TAF1: variants seen among roughly 807,000 people sequenced by gnomAD.
TAF1 encodes TATA-box binding protein associated factor 1, also known as transcription initiation factor TFIID subunit 1.
Under a neutral mutation model 138.5 loss-of-function variants are expected in TAF1, and 2 were observed. The ratio of observed to expected loss-of-function variants is 0.01; its 90% CI spans 0.01 to 0.05. The LOEUF is 0.05. Among genes scored for constraint, TAF1 ranks in the 10% least tolerant of loss-of-function variants. The pLI is 1.00. For synonymous variants in TAF1, 437 were observed against 503.2 expected (o/e 0.87, Z 1.76); for missense variants, 709 against 1,478.0 (o/e 0.48, Z 8.53).
intron 32 of TAF1, among the ~76,000 whole-genome samples, chrX:71,438,164 A>G (rs1013793692): frequency 2.7e-5 from 3 of 110,992 alleles, no homozygotes; most frequent in Non-Finnish European, 5.7e-5. Context: ...TAAGTGTACA[A>G]ATCAGTGGCA....
In TAF1 at chrX:71,465,708, TAATGAATG is replaced by T. The variant is rs1197827545; in HGVS notation, c.*1669_*1676del. ...CAGGTTTGTGTTTTAGAAATCTGTG[TAATGAATG>T]AATGAAGAAAGAAATTGAAGAATCA... On this transcript the variant is annotated 3_prime_UTR_variant, in exon 38 of 38. Transcript: ENST00000423759. 8.9e-6 allele frequency: 1 copy of T among 112,188 alleles called. No individual in the cohort carries two copies. The highest frequency in any genetic ancestry group is 2.8e-4 in the East Asian group (1 of 3,619). The allele number at this position is 112,188 out of a possible 1,213,427, so 9.2% of individuals were successfully genotyped here.
intron 13 of TAF1, among the ~76,000 whole-genome samples, chrX:71,494,186 G>A (rs1406424870): frequency 9.0e-6 from 1 of 111,210 alleles, no homozygotes; most frequent in Non-Finnish European, 1.9e-5. Context: ...ACTTTGGGAG[G>A]CCAAGGCAGG....
chrX:71,406,519 C>T, intron 25 of TAF1, 119 bp from the exon 26 acceptor site: 2 of 696,516 alleles, frequency 2.9e-6, no homozygotes, highest in Non-Finnish European at 4.1e-6. Flanking sequence ...TTTGGTTTGG[C>T]TTTTTCCTCG....
chrX:71,399,877 G>T (rs1253863740), intron 24 of TAF1, among the ~76,000 whole-genome samples: 1 of 108,821 alleles, frequency 9.2e-6, no homozygotes, highest in East Asian at 3.0e-4. Context: ...GATTACAGGC[G>T]CCCGCCACCA....
At chrX:71,474,150 AAGAAAG>A (rs1328107999) in intron 13 of TAF1, among the ~76,000 whole-genome samples, 16 of 109,880 alleles carry the variant, frequency 1.5e-4, no homozygotes, top group Middle Eastern at 9.3e-3. Flanking sequence ...TGAAAAAAGA[AAGAAAG>A]AGAGAGAGAG....
At chrX:71,471,939 A>G (rs2038897928) in intron 13 of TAF1, among the ~76,000 whole-genome samples, 2 of 112,255 alleles carry the variant, frequency 1.8e-5, no homozygotes, top group Non-Finnish European at 3.8e-5. Flanking sequence ...AGGTACTTTC[A>G]ATTTCCCAAC....
At chrX:71,441,061 C>T (rs904856531) in intron 32 of TAF1, among the ~76,000 whole-genome samples, 29 of 109,700 alleles carry the variant, frequency 2.6e-4, no homozygotes, top group Non-Finnish European at 2.8e-4. Context: ...ACATCATGCC[C>T]GGCTAATTTT....
intron 13 of TAF1, among the ~76,000 whole-genome samples, chrX:71,502,176 T>C (rs2039522002): frequency 9.0e-6 from 1 of 111,667 alleles, no homozygotes; most frequent in Non-Finnish European, 1.9e-5. Flanking sequence ...GATTGGTCCA[T>C]TTTACAGAGT....
chrX:71,463,107 G>C (rs1476585869), intron 37 of TAF1, among the ~76,000 whole-genome samples: 4 of 111,414 alleles, frequency 3.6e-5, no homozygotes, highest in Non-Finnish European at 1.9e-5. Flanking sequence ...AGAGTATGTA[G>C]AGTATCCCAA....
chrX:71,383,468 T>C (rs1694380655), intron 12 of TAF1, among the ~76,000 whole-genome samples: 1 of 112,438 alleles, frequency 8.9e-6, no homozygotes, highest in Non-Finnish European at 1.9e-5. Flanking sequence ...CATAGTACAG[T>C]CGTCCTTCGT....
chrX:71,411,228 C>T (rs940387408), intron 28 of TAF1, among the ~76,000 whole-genome samples: 6 of 110,745 alleles, frequency 5.4e-5, no homozygotes, highest in South Asian at 3.8e-4. Flanking sequence ...ACTACAGCTG[C>T]GCCCCACCAC....
In TAF1 at chrX:71,466,001, T is replaced by C. The variant is rs927186721; in HGVS notation, c.*1955T>C. 8.9e-6 allele frequency: 1 copy of C among 112,018 alleles called. No homozygotes were observed. The highest frequency in any genetic ancestry group is 1.9e-5 in the Non-Finnish European group (1 of 53,242). 9.2% of individuals were successfully genotyped at this position (112,018 alleles called of 1,213,427 possible). A position where few individuals can be genotyped will look rare whatever the true frequency, so the allele number is the denominator to read the frequency against. ...TTTTTGTAATAAAAATTTTAAAAAA[T>C]TCCAGCAGTAGTGTGGAGAATGGTT... On this transcript the variant is annotated 3_prime_UTR_variant, in exon 38 of 38. Coordinates refer to ENST00000423759, the MANE Select transcript of TAF1 (RefSeq NM_004606.5).
chrX:71,402,483 C>T (rs1439358561), intron 25 of TAF1, among the ~76,000 whole-genome samples: 1 of 112,021 alleles, frequency 8.9e-6, no homozygotes, highest in Non-Finnish European at 1.9e-5. Context: ...AAGTGATTCT[C>T]CCACCTCGGC....
At chrX:71,468,900 G>A (rs2038825810), downstream of TAF1, among the ~76,000 whole-genome samples, 1 of 108,784 alleles carries the variant, frequency 9.2e-6, no homozygotes, top group Admixed American at 9.9e-5. Flanking sequence ...TGAGGCAGGA[G>A]GAACGCTTGG....
intron 32 of TAF1, among the ~76,000 whole-genome samples, chrX:71,449,961 CAG>C (rs1215161518): frequency 9.0e-6 from 1 of 110,955 alleles, no homozygotes; most frequent in Admixed American, 9.6e-5. Context: ...TTTGTATAGA[CAG>C]AGTTTCGCCA....
At chrX:71,393,264 G>A (rs768530822) in intron 20 of TAF1, 37 bp from the exon 21 acceptor site, 536 of 1,086,061 alleles carry the variant, frequency 4.9e-4, no homozygotes, top group Middle Eastern at 2.3e-3. Context: ...GTGTGTGTGT[G>A]TATATTTATA....
chrX:71,380,223 T>C (rs1463661305), intron 8 of TAF1, among the ~76,000 whole-genome samples: 1 of 110,825 alleles, frequency 9.0e-6, no homozygotes, highest in Non-Finnish European at 1.9e-5. Flanking sequence ...CTTTCATTTT[T>C]TATTTTTCAT....
rs750258645 is a variant in TAF1, at chrX:71,378,820, A to G, written c.1153-4A>G. On this transcript the variant is annotated splice_polypyrimidine_tract_variant and splice_region_variant and intron_variant, in intron 7 of 37. Transcript: ENST00000423759. ...GATGTGTTTTTTCTTCCCTACTTAC[A>G]CAGGAATTTAGGAAACTTGAGGAAA... 2 of 1,210,459 alleles carry G rather than the reference A, an allele frequency of 1.7e-6. No individual in the cohort carries two copies. Among genetic ancestry groups the G allele is most frequent in the Non-Finnish European group, 2.2e-6 (2 of 894,674 alleles).
intron 3 of TAF1, among the ~76,000 whole-genome samples, chrX:71,370,079 G>A (rs928408944): frequency 9.0e-6 from 1 of 110,893 alleles, no homozygotes; most frequent in Admixed American, 9.6e-5. Flanking sequence ...AAAAAAATTA[G>A]CTGGACATGA....
Sources: gnomAD v4.1 joint callset for allele counts (sites outside exome capture counted in the v4.1 genomes callset) on GRCh38, gnomAD v4.1.1 for gene constraint, MANE v1.5 for transcripts, NCBI Gene and HGNC (gene_info 2026-07-23, HGNC 2026-07-21) for gene names.